Variants in FCER1A observed in about 807,000 individuals in gnomAD.
FCER1A encodes the protein high affinity immunoglobulin epsilon receptor subunit alpha.
A neutral mutation model predicts 23.6 loss-of-function variants in FCER1A; 24 were observed. That is an observed-to-expected ratio of 1.02 (90% confidence interval 0.74 to 1.43). The LOEUF is 1.43. Ranked by LOEUF, FCER1A falls within the 40% of genes most tolerant of loss-of-function variation. The pLI, the probability that FCER1A is intolerant of heterozygous loss-of-function variation, is 0.00. For synonymous variants in FCER1A, 121 were observed against 108.8 expected (o/e 1.11, Z -0.70); for missense variants, 318 against 294.5 (o/e 1.08, Z -0.58).
chr1:159,296,137 C>T (rs1201047768), intron 1 of FCER1A, among the ~76,000 whole-genome samples: 1 of 151,866 alleles, frequency 6.6e-6, no homozygotes, highest in African/African-American at 2.4e-5. Context: ...TATTTTTAAC[C>T]TTTTGTGATT....
chr1:159,303,795 T>G (rs1258226263), intron 2 of FCER1A, 133 bp from the exon 3 acceptor site: 2 of 690,618 alleles, frequency 2.9e-6, no homozygotes, highest in East Asian at 5.4e-5. Context: ...AACAGGGTCT[T>G]ATCACCAACA....
At chr1:159,301,079 G>T (rs1483776523), upstream of FCER1A, among the ~76,000 whole-genome samples, 1 of 152,136 alleles carries the variant, frequency 6.6e-6, no homozygotes, top group African/African-American at 2.4e-5. Context: ...GTTTTGGTTA[G>T]ATCTTCATGT....
At chr1:159,298,396 G>A (rs1652350043), upstream of FCER1A, among the ~76,000 whole-genome samples, 1 of 152,152 alleles carries the variant, frequency 6.6e-6, no homozygotes, top group Admixed American at 6.6e-5. Context: ...CCATGGTAAT[G>A]AGTTCACATG....
At chr1:159,297,486 T>C (rs192706953), upstream of FCER1A, among the ~76,000 whole-genome samples, 43 of 152,322 alleles carry the variant, frequency 2.8e-4, 2 homozygotes, top group African/African-American at 1.0e-3. Flanking sequence ...AACTAGTATA[T>C]GTTCTGTTCT....
chr1:159,304,173 G>C lies in FCER1A; in HGVS notation c.322G>C (p.Val108Leu). 1 of 1,613,618 alleles carries C rather than the reference G, an allele frequency of 6.2e-7. No individual in the cohort carries two copies. Among genetic ancestry groups the C allele is most frequent in the Non-Finnish European group, 8.5e-7 (1 of 1,179,556 alleles). Reference sequence around the variant, plus strand: ...TGAGAGTGAACCTGTGTACCTGGAAGTCTTCAGTGGTAAGTTCCAGGGATA... The same window carrying C: ...TGAGAGTGAACCTGTGTACCTGGAACTCTTCAGTGGTAAGTTCCAGGGATA... The part of the protein sequence containing the change: ...VNESEPVYLE[V>L]FSDWLLLQAS... Residue 108 changes from valine (V) to leucine (L), a missense_variant, in exon 3 of 5, where the codon GTC becomes CTC. Physicochemically the swap from Val to Leu is conservative, Grantham distance 32. Coordinates refer to ENST00000693622, the MANE Select transcript of FCER1A (RefSeq NM_001387280.1).
upstream of FCER1A, among the ~76,000 whole-genome samples, chr1:159,288,601 T>C (rs1455869687): frequency 6.6e-6 from 1 of 152,226 alleles, no homozygotes; most frequent in Non-Finnish European, 1.5e-5. Context: ...AGAGCTCTAC[T>C]GCACTCTTAT....
At chr1:159,292,082 T>A (rs764418160) in intron 1 of FCER1A, among the ~76,000 whole-genome samples, 5 of 152,160 alleles carry the variant, frequency 3.3e-5, no homozygotes, top group African/African-American at 4.8e-5. Context: ...GATATTGAAA[T>A]TTCCTAGAGT....
At chr1:159,288,495 G>T (rs1380319116), upstream of FCER1A, among the ~76,000 whole-genome samples, 1 of 152,164 alleles carries the variant, frequency 6.6e-6, no homozygotes, top group Non-Finnish European at 1.5e-5. Flanking sequence ...ACTGGATGTG[G>T]TCATTTAGTG....
upstream of FCER1A, among the ~76,000 whole-genome samples, chr1:159,301,609 C>G (rs1652430213): frequency 6.6e-6 from 1 of 152,186 alleles, no homozygotes. Flanking sequence ...TTTCGCTGGT[C>G]AGACAGCGGA....
At chr1:159,301,782 T>A (rs944534542), upstream of FCER1A, among the ~76,000 whole-genome samples, 1 of 152,212 alleles carries the variant, frequency 6.6e-6, no homozygotes, top group African/African-American at 2.4e-5. Flanking sequence ...GACTAAGAGT[T>A]TGACTTAGGG....
At chr1:159,289,541 C>A (rs1019289170), upstream of FCER1A, among the ~76,000 whole-genome samples, 2 of 152,180 alleles carry the variant, frequency 1.3e-5, no homozygotes, top group Non-Finnish European at 2.9e-5. Flanking sequence ...TGGACCCATT[C>A]TTCTTGGGCA....
In FCER1A at chr1:159,307,210, G is replaced by T. The variant is rs79525610; in HGVS notation, c.590-538G>T. 3.6e-3 allele frequency among the ~76,000 whole-genome samples: 549 copies of T among 152,306 alleles called. 18 individuals are homozygous for T. The East Asian group carries it at 0.076, about 21-fold the overall frequency. On this transcript the variant is annotated intron_variant, in intron 4 of 4. Transcript: ENST00000693622. Reference sequence around the variant, plus strand: ...TCACTTGTCTAGGTGATCTTTAAATGATTTCTGGATGTAATATTCTGAGGC... The same window carrying T: ...TCACTTGTCTAGGTGATCTTTAAATTATTTCTGGATGTAATATTCTGAGGC...
upstream of FCER1A, among the ~76,000 whole-genome samples, chr1:159,301,657 A>C (rs991506619): frequency 3.3e-5 from 5 of 152,204 alleles, no homozygotes; most frequent in Non-Finnish European, 7.3e-5. Context: ...GGATTTATGC[A>C]CTAACTGATC....
chr1:159,306,121 G>A lies in FCER1A; in HGVS notation c.465G>A (p.Trp155Ter), dbSNP rs774606741. ...YYKDGEALKY[W>*]YENHNISITN... ...AGGATGGTGAAGCTCTCAAGTACTG[G>A]TATGAGAACCACAACATCTCCATTA... is the stretch of plus-strand genomic sequence containing the variant. The change falls in exon 4 of 5, where the codon TGG becomes TGA. Residue 155 changes from tryptophan (W) to a stop codon, truncating the protein, a stop_gained. Coordinates refer to ENST00000693622, the MANE Select transcript of FCER1A (RefSeq NM_001387280.1). LOFTEE classifies it high-confidence loss of function. 9 of 1,614,018 alleles carry A rather than the reference G, an allele frequency of 5.6e-6. No individual in the cohort carries two copies. The South Asian group carries it at 8.8e-5, about 16-fold the overall frequency.
Position 159,308,185 on chromosome 1 carries a change from A to G in FCER1A, c.*253A>G. 1 of 379,860 alleles carries G rather than the reference A, an allele frequency of 2.6e-6. No individual in the cohort carries two copies. The highest frequency in any genetic ancestry group is 4.7e-6 in the Non-Finnish European group (1 of 211,588). 23.5% of individuals were successfully genotyped at this position (379,860 alleles called of 1,614,324 possible). ...TGTAAAAGAGATGTTCAATTTCAATAAAATAAATATAAAACCATGTAACAG... is the reference window on the plus strand; with the variant it reads ...TGTAAAAGAGATGTTCAATTTCAATGAAATAAATATAAAACCATGTAACAG... On this transcript the variant is annotated 3_prime_UTR_variant, in exon 5 of 5. Transcript: ENST00000693622.
upstream of FCER1A, among the ~76,000 whole-genome samples, chr1:159,299,049 A>G (rs1376017292): frequency 6.6e-6 from 1 of 152,212 alleles, no homozygotes; most frequent in Non-Finnish European, 1.5e-5. Flanking sequence ...ATTCCTTTAC[A>G]TAGCAACTGT....
At position 159,304,298 on chromosome 1, in the gene FCER1A, T is replaced by C. The variant is rs181689406; in HGVS notation, c.331+116T>C. On this transcript the variant is annotated intron_variant, in intron 3 of 4. Coordinates refer to ENST00000693622, the MANE Select transcript of FCER1A (RefSeq NM_001387280.1). Reference sequence around the variant, plus strand: ...ACACCAGAGTGGGATTCAAGGCCTCTCATTTTTAAGACCCCTGCATTGGCT... The same window carrying C: ...ACACCAGAGTGGGATTCAAGGCCTCCCATTTTTAAGACCCCTGCATTGGCT... 1.3e-3 allele frequency: 1,345 copies of C among 1,022,504 alleles called. 5 individuals carry two copies. The African/African-American group carries it at 0.019, about 14-fold the overall frequency. The allele number at this position is 1,022,504 out of a possible 1,614,324, so 63.3% of individuals were successfully genotyped here. A position where few individuals can be genotyped will look rare whatever the true frequency, so the allele number is the denominator to read the frequency against.
chr1:159,285,502 G>C (rs914352794), upstream of FCER1A, among the ~76,000 whole-genome samples: 1 of 151,486 alleles, frequency 6.6e-6, no homozygotes, highest in Admixed American at 6.6e-5. Context: ...CTGTAATATA[G>C]TATATTAAAC....
chr1:159,294,405 C>T (rs527661897), intron 1 of FCER1A, among the ~76,000 whole-genome samples: 2 of 152,236 alleles, frequency 1.3e-5, no homozygotes, highest in South Asian at 4.1e-4. Context: ...CAGCCTTTGT[C>T]TTGTTTCATC....
Sources: allele counts gnomAD v4.1 joint callset (sites outside exome capture counted in the v4.1 genomes callset), GRCh38; gene constraint gnomAD v4.1.1; transcripts MANE v1.5; gene names NCBI Gene and HGNC (gene_info 2026-07-23, HGNC 2026-07-21).